GPR63: variants seen among roughly 807,000 people sequenced by gnomAD.
The protein encoded by GPR63 is G protein-coupled receptor 63, also known as probable G protein-coupled receptor 63.
A neutral mutation model predicts 23.1 loss-of-function variants in GPR63; 12 were observed. The ratio of observed to expected loss-of-function variants is 0.52; its 90% CI spans 0.33 to 0.84. The LOEUF (loss-of-function observed/expected upper bound fraction) is 0.84. Among genes scored for constraint, GPR63 ranks in the 40% least tolerant of loss-of-function variants. The pLI is 0.02. For synonymous variants in GPR63, 172 were observed against 191.1 expected, an observed-to-expected ratio of 0.90 and a Z score of 0.82; for missense variants, 472 against 515.6, an observed-to-expected ratio of 0.92 and a Z score of 0.82.
chr6:96,811,091 C>T (rs1774030805), intron 1 of GPR63, among the ~76,000 whole-genome samples: 1 of 152,146 alleles, frequency 6.6e-6, no homozygotes. Context: ...GTTCAAGCTT[C>T]CCAGGGCTCC....
At chr6:96,804,018 G>C (rs1773836826) in intron 1 of GPR63, among the ~76,000 whole-genome samples, 2 of 152,334 alleles carry the variant, frequency 1.3e-5, no homozygotes, top group African/African-American at 4.8e-5. Context: ...ATGTGTACTT[G>C]TAAAACTCGC....
At chr6:96,814,459 C>T (rs1426077331) in intron 1 of GPR63, among the ~76,000 whole-genome samples, 2 of 152,124 alleles carry the variant, frequency 1.3e-5, no homozygotes, top group East Asian at 1.9e-4. Context: ...TGACAAACCA[C>T]CCCAAAGACA....
intron 1 of GPR63, among the ~76,000 whole-genome samples, chr6:96,823,622 T>G (rs897696571): frequency 6.6e-6 from 1 of 152,114 alleles, no homozygotes; most frequent in African/African-American, 2.4e-5. Context: ...CTAGGTATAT[T>G]GTGTTTATAA....
At chr6:96,835,329 T>C (rs1774697759) in intron 1 of GPR63, among the ~76,000 whole-genome samples, 1 of 152,136 alleles carries the variant, frequency 6.6e-6, no homozygotes, top group East Asian at 1.9e-4. Flanking sequence ...CTCAATAGCA[T>C]ATACAGATAT....
chr6:96,809,110 C>T (rs572228361), intron 1 of GPR63, among the ~76,000 whole-genome samples: 34 of 152,062 alleles, frequency 2.2e-4, no homozygotes, highest in Non-Finnish European at 3.4e-4. Context: ...ATTTTCAAAA[C>T]CAACCTCCCT....
chr6:96,833,441 C>G (rs777216210), intron 1 of GPR63, among the ~76,000 whole-genome samples: 1 of 152,176 alleles, frequency 6.6e-6, no homozygotes, highest in Non-Finnish European at 1.5e-5. Context: ...AAGTTACCTA[C>G]GCATTTGTTT....
chr6:96,802,742 T>C (rs1257549350), intron 1 of GPR63, among the ~76,000 whole-genome samples: 1 of 149,892 alleles, frequency 6.7e-6, no homozygotes, highest in East Asian at 2.0e-4. Flanking sequence ...AAAGACGGGG[T>C]TTCACCTGGT....
rs1773581524 is a variant in GPR63, at chr6:96,796,475, T to G, written c.*1997A>C. On this transcript the variant is annotated 3_prime_UTR_variant, in exon 2 of 2. Coordinates refer to ENST00000229955, the MANE Select transcript of GPR63 (RefSeq NM_030784.4). ...AGCCAAGTGGCTATATTTTCAGCCC[T>G]TATCCCTGTGGGCTGTTTTATAAAG... The G allele has an allele frequency of 6.6e-6, 1 of 152,202 alleles. No homozygotes were observed. Among genetic ancestry groups the G allele is most frequent in the African/African-American group, 2.4e-5 (1 of 41,464 alleles). The allele number at this position is 152,202 out of a possible 1,614,324, so 9.4% of individuals were successfully genotyped here.
chr6:96,836,223 C>T (rs778657908), intron 1 of GPR63, among the ~76,000 whole-genome samples: 1 of 152,082 alleles, frequency 6.6e-6, no homozygotes, highest in South Asian at 2.1e-4. Context: ...AATAAATGTA[C>T]TTTTATGTTA....
intron 1 of GPR63, among the ~76,000 whole-genome samples, chr6:96,829,220 A>T (rs916123620): frequency 6.6e-6 from 1 of 152,250 alleles, no homozygotes. Context: ...ACTTATTTGT[A>T]GAGAACACCT....
chr6:96,820,018 C>T (rs1774273023), intron 1 of GPR63, among the ~76,000 whole-genome samples: 1 of 150,954 alleles, frequency 6.6e-6, no homozygotes, highest in African/African-American at 2.4e-5. Flanking sequence ...AAAATTCGAC[C>T]AGTAGGACAG....
At chr6:96,827,015 C>T (rs975428760) in intron 1 of GPR63, among the ~76,000 whole-genome samples, 23 of 148,540 alleles carry the variant, frequency 1.5e-4, no homozygotes, top group African/African-American at 5.2e-4. Context: ...GAAATAATTA[C>T]CACAAAGTTC....
intron 1 of GPR63, among the ~76,000 whole-genome samples, chr6:96,811,082 T>C (rs9487218): frequency 0.34 from 52,111 of 151,900 alleles, 9,236 homozygotes; most frequent in African/African-American, 0.42. Flanking sequence ...AGGACCTGGG[T>C]TCAAGCTTCC....
intron 1 of GPR63, among the ~76,000 whole-genome samples, chr6:96,810,228 G>C (rs1774006467): frequency 6.6e-6 from 1 of 152,172 alleles, no homozygotes. Flanking sequence ...GGGCGCGGTG[G>C]CTCACACCTG....
chr6:96,797,923 C>A lies in GPR63; in HGVS notation c.*549G>T, dbSNP rs1259858287. On this transcript the variant is annotated 3_prime_UTR_variant, in exon 2 of 2. Transcript: ENST00000229955. ...ATAAAAACAATTCTGAAAAATAAGA[C>A]TGAATTAATTTGTACATTATCTCTT... 2 of 152,246 alleles carry A rather than the reference C, an allele frequency of 1.3e-5. No homozygotes were observed. The highest frequency in any genetic ancestry group is 4.8e-5 in the African/African-American group (2 of 41,394). 9.4% of individuals were successfully genotyped at this position (152,246 alleles called of 1,614,324 possible).
intron 1 of GPR63, among the ~76,000 whole-genome samples, chr6:96,821,173 T>C (rs867513251): frequency 6.6e-6 from 1 of 152,204 alleles, no homozygotes; most frequent in Non-Finnish European, 1.5e-5. Context: ...CATGAAGCTA[T>C]AGCAAAGATT....
At chr6:96,836,164 C>T (rs1774723063) in intron 1 of GPR63, among the ~76,000 whole-genome samples, 1 of 152,056 alleles carries the variant, frequency 6.6e-6, no homozygotes. Flanking sequence ...GAAAATGGGG[C>T]TTCCTTTACC....
At chr6:96,823,524 G>GA (rs1469341693) in intron 1 of GPR63, among the ~76,000 whole-genome samples, 8 of 152,066 alleles carry the variant, frequency 5.3e-5, no homozygotes, top group Admixed American at 2.0e-4. Flanking sequence ...TACAAAAAAT[G>GA]AAAAAGTTTT....
At chr6:96,801,443 C>T (rs1773763664) in intron 1 of GPR63, among the ~76,000 whole-genome samples, 1 of 152,204 alleles carries the variant, frequency 6.6e-6, no homozygotes, top group African/African-American at 2.4e-5. Flanking sequence ...AGGTGATCCA[C>T]CCGCCTCAGC....
Sources: gnomAD v4.1 joint callset for allele counts (sites outside exome capture counted in the v4.1 genomes callset) on GRCh38, gnomAD v4.1.1 for gene constraint, MANE v1.5 for transcripts, NCBI Gene and HGNC (gene_info 2026-07-23, HGNC 2026-07-21) for gene names.